PRKN: variants seen among roughly 807,000 people sequenced by gnomAD.
The protein encoded by PRKN is parkin RBR E3 ubiquitin protein ligase.
In PRKN, 56 loss-of-function variants were observed where a neutral mutation model predicts 59.5. The observed-to-expected ratio is 0.94, with a 90% CI of 0.76 to 1.18. The LOEUF is 1.18. PRKN is among the 50% of genes most tolerant of loss of function. PRKN has a pLI of 0.00. For synonymous variants in PRKN, 250 were observed against 222.1 expected, an observed-to-expected ratio of 1.13 and a Z score of -1.12; for missense variants, 657 against 596.4, an observed-to-expected ratio of 1.10 and a Z score of -1.06.
At chr6:162,667,086 T>A (rs1000375749) in intron 1 of PRKN, among the ~76,000 whole-genome samples, 1 of 152,120 alleles carries the variant, frequency 6.6e-6, no homozygotes, top group African/African-American at 2.4e-5. Flanking sequence ...ACATTCTTGA[T>A]AATACTACTA....
At chr6:162,582,937 A>AT (rs1780845601) in intron 1 of PRKN, among the ~76,000 whole-genome samples, 1 of 152,204 alleles carries the variant, frequency 6.6e-6, no homozygotes, top group Non-Finnish European at 1.5e-5. Flanking sequence ...TTCAAAACTC[A>AT]TCTTGAAATT....
intron 1 of PRKN, among the ~76,000 whole-genome samples, chr6:162,613,627 A>G (rs1782281894): frequency 6.6e-6 from 1 of 152,166 alleles, no homozygotes; most frequent in Non-Finnish European, 1.5e-5. Context: ...CTCTTCACCA[A>G]CAATTACAAT....
At position 161,417,074 on chromosome 6, in the gene PRKN, C is replaced by G. The variant is rs1787884957; in HGVS notation, c.1084-30197G>C. Among the ~76,000 whole-genome samples the G allele has an allele frequency of 6.6e-6, 1 of 152,174 alleles. No individual in the cohort carries two copies. Among genetic ancestry groups the G allele is most frequent in the East Asian group, 1.9e-4 (1 of 5,196 alleles). ...AGCTCATGCTCACCCCTCATTCAAG[C>G]TCCAGACCTGGGCCAAGAGCAAGAA... On this transcript the variant is annotated intron_variant, in intron 9 of 11. Transcript: ENST00000366898. The surrounding 1 kb of genome is among the most constrained non-coding windows in gnomAD (Gnocchi z 5.4).
At chr6:162,704,124 G>C (rs1778255946) in intron 1 of PRKN, among the ~76,000 whole-genome samples, 1 of 152,154 alleles carries the variant, frequency 6.6e-6, no homozygotes, top group South Asian at 2.1e-4. Context: ...TAAAGTGTGA[G>C]GACAATGGCA....
At chr6:161,491,611 T>C (rs1777558778) in intron 9 of PRKN, among the ~76,000 whole-genome samples, 1 of 151,550 alleles carries the variant, frequency 6.6e-6, no homozygotes, top group Admixed American at 6.6e-5. Flanking sequence ...TCCTGGAACT[T>C]TGTACGGGAA....
At chr6:162,333,107 A>G (rs1319640725) in intron 2 of PRKN, among the ~76,000 whole-genome samples, 1 of 151,976 alleles carries the variant, frequency 6.6e-6, no homozygotes, top group Non-Finnish European at 1.5e-5. Context: ...ACTTTTTCCT[A>G]TTTTGAATTT....
intron 1 of PRKN, among the ~76,000 whole-genome samples, chr6:162,447,749 G>C (rs1316280272): frequency 1.3e-5 from 2 of 151,968 alleles, no homozygotes; most frequent in African/African-American, 2.4e-5. Context: ...AATGATTCTG[G>C]CTGCTCCTCA....
intron 4 of PRKN, among the ~76,000 whole-genome samples, chr6:162,132,426 G>A (rs1781401700): frequency 6.6e-6 from 1 of 152,102 alleles, no homozygotes; most frequent in Non-Finnish European, 1.5e-5. Flanking sequence ...TGCATTCAGA[G>A]TCTCCTCCTA....
chr6:161,512,915 T>C (rs1778446792), intron 9 of PRKN, among the ~76,000 whole-genome samples: 1 of 152,210 alleles, frequency 6.6e-6, no homozygotes, highest in South Asian at 2.1e-4. Flanking sequence ...GCTGATGATA[T>C]TCCATAACAA....
At chr6:162,201,018 G>C in intron 4 of PRKN, 113 bp downstream of exon 4, 3 of 1,185,398 alleles carry the variant, frequency 2.5e-6, no homozygotes. Context: ...CCACAGAAGA[G>C]AATGTCTTTT....
At chr6:161,424,179 A>G (rs1386216927) in intron 9 of PRKN, among the ~76,000 whole-genome samples, 1 of 152,046 alleles carries the variant, frequency 6.6e-6, no homozygotes, top group Non-Finnish European at 1.5e-5. Flanking sequence ...TCTACTAAAA[A>G]TACAAAAATT....
In PRKN at chr6:162,599,566, G is replaced by A. The variant is rs375822259; in HGVS notation, c.7+128096C>T. Among the ~76,000 whole-genome samples the A allele has an allele frequency of 7.2e-4, 109 of 152,154 alleles. No individual in the cohort carries two copies. The East Asian group carries it at 9.9e-3, about 14-fold the overall frequency. On this transcript the variant is annotated intron_variant, in intron 1 of 11. Transcript: ENST00000366898. Reference sequence around the variant, plus strand: ...TAATACGCCCGGCAGAGGCAAACTCGAAAGCATGCTGGAGAAAGATCCTGT... The same window carrying A: ...TAATACGCCCGGCAGAGGCAAACTCAAAAGCATGCTGGAGAAAGATCCTGT...
In PRKN at chr6:161,823,414, T is replaced by C. The variant is rs989887158; in HGVS notation, c.735-37506A>G. Among the ~76,000 whole-genome samples the C allele has an allele frequency of 5.3e-5, 8 of 152,224 alleles. No individual in the cohort carries two copies. In the East Asian group the frequency reaches 5.8e-4, roughly 11 times the overall value. On this transcript the variant is annotated intron_variant, in intron 6 of 11. Transcript: ENST00000366898. The stretch of plus-strand genomic sequence containing the variant: ...CAATGCGTGGGTGTGGCTATGGGTG[T>C]GATGGGCTGGGTACACTGCAGACAC...
intron 6 of PRKN, among the ~76,000 whole-genome samples, chr6:161,897,617 G>C (rs1009175419): frequency 6.6e-6 from 1 of 152,134 alleles, no homozygotes; most frequent in African/African-American, 2.4e-5. Context: ...TGCTTCTATA[G>C]TACATTTTGG....
Position 162,034,999 on chromosome 6 carries a change from G to C in PRKN, c.618+19092C>G, listed in dbSNP as rs137868802. Among the ~76,000 whole-genome samples, 481 of 152,264 alleles carry C rather than the reference G, an allele frequency of 3.2e-3. 1 individual carries two copies. Among genetic ancestry groups the C allele is most frequent in the African/African-American group, 0.011 (459 of 41,548 alleles). On this transcript the variant is annotated intron_variant, in intron 5 of 11. Transcript: ENST00000366898. ...AGAGGTTTAGTTCGCTCACGGTTCTGAAGGCTGTACAAGAAGCATGTCACC... is the reference window on the plus strand; with the variant it reads ...AGAGGTTTAGTTCGCTCACGGTTCTCAAGGCTGTACAAGAAGCATGTCACC...
intron 1 of PRKN, among the ~76,000 whole-genome samples, chr6:162,694,353 A>T (rs1045071428): frequency 5.3e-5 from 8 of 152,146 alleles, no homozygotes; most frequent in South Asian, 2.1e-4. Flanking sequence ...CAGAGATAGC[A>T]GTGATAACTG....
chr6:162,453,231 A>C (rs1373375826), intron 1 of PRKN, among the ~76,000 whole-genome samples: 1 of 152,142 alleles, frequency 6.6e-6, no homozygotes, highest in Non-Finnish European at 1.5e-5. Context: ...CTTAGAACAT[A>C]GCAACTGATG....
At chr6:161,801,226 G>A (rs748139143) in intron 6 of PRKN, among the ~76,000 whole-genome samples, 26 of 152,220 alleles carry the variant, frequency 1.7e-4, no homozygotes, top group African/African-American at 4.8e-4. Flanking sequence ...CGGCCTCTGC[G>A]GATGCTACGG....
At chr6:162,347,184 G>C (rs1459608282) in intron 2 of PRKN, among the ~76,000 whole-genome samples, 4 of 146,598 alleles carry the variant, frequency 2.7e-5, no homozygotes, top group African/African-American at 1.0e-4. Context: ...GGTTCTTTCT[G>C]TTGTCTTTTT....
Sources: allele counts gnomAD v4.1 joint callset (sites outside exome capture counted in the v4.1 genomes callset), GRCh38; gene constraint gnomAD v4.1.1; non-coding constraint Gnocchi (gnomAD v3.1); transcripts MANE v1.5; gene names NCBI Gene and HGNC (gene_info 2026-07-23, HGNC 2026-07-21).